ATP1B1: variants seen among roughly 807,000 people sequenced by gnomAD.
ATP1B1 encodes the protein ATPase Na+/K+ transporting subunit beta 1, also known as sodium/potassium-transporting ATPase subunit beta-1.
ATP1B1 carries 3 observed loss-of-function variants against 39.6 expected under a neutral mutation model. The observed-to-expected ratio is 0.08, with a 90% CI of 0.03 to 0.20. The LOEUF is 0.20. ATP1B1 is among the 10% of genes least tolerant of loss of function. ATP1B1 has a pLI of 1.00. For missense variants in ATP1B1, 216 were observed against 371.1 expected (o/e 0.58, Z 3.43); for synonymous variants, 139 against 135.0 (o/e 1.03, Z -0.20).
intron 2 of ATP1B1, among the ~76,000 whole-genome samples, chr1:169,118,958 G>A (rs1411505855): frequency 6.6e-6 from 1 of 152,154 alleles, no homozygotes; most frequent in Admixed American, 6.5e-5. Flanking sequence ...AGGTTGAAAT[G>A]GCTACATTCT....
At chr1:169,117,304 C>G (rs974948652) in intron 2 of ATP1B1, among the ~76,000 whole-genome samples, 2 of 152,160 alleles carry the variant, frequency 1.3e-5, no homozygotes, top group African/African-American at 4.8e-5. Context: ...ACTGCACAGC[C>G]TTATGACTTG....
chr1:169,111,503 A>T lies in ATP1B1; in HGVS notation c.226+5A>T, dbSNP rs1367657246. 6.2e-7 allele frequency: 1 copy of T among 1,612,712 alleles called. No homozygotes were observed. The highest frequency in any genetic ancestry group is 1.1e-5 in the South Asian group (1 of 90,726). On this transcript the variant is annotated splice_donor_5th_base_variant and intron_variant, in intron 2 of 5. Transcript: ENST00000367815. ...AGGACCGAGTGGCCCCGCCAGGTAAAATCCACATGAATAGCTTCATTTCCT... is the reference window on the plus strand; with the variant it reads ...AGGACCGAGTGGCCCCGCCAGGTAATATCCACATGAATAGCTTCATTTCCT...
intron 4 of ATP1B1, 32 bp downstream of exon 4, chr1:169,127,440 T>C: frequency 6.3e-7 from 1 of 1,585,356 alleles, no homozygotes. Context: ...AGAATTTAGA[T>C]GAGTCATTTA....
intron 2 of ATP1B1, among the ~76,000 whole-genome samples, chr1:169,114,148 TTTTTCAATGCCAAGGACCCTCCTTGGC>T (rs1657789099): frequency 4.4e-5 from 5 of 112,768 alleles, no homozygotes; most frequent in Admixed American, 9.1e-5. Context: ...CTCCTTGGCA[TTTTTCAATGCCAAGGACCCTCCTTGGC>T]ATTTTTCAGA....
At chr1:169,111,322 C>G in intron 1 of ATP1B1, 48 bp from the exon 2 acceptor site, 1 of 1,605,050 alleles carries the variant, frequency 6.2e-7, no homozygotes, top group South Asian at 1.1e-5. Flanking sequence ...AACTTTCATT[C>G]TGAGCATATG....
intron 2 of ATP1B1, among the ~76,000 whole-genome samples, chr1:169,115,342 T>G (rs1657819661): frequency 6.8e-6 from 1 of 146,394 alleles, no homozygotes; most frequent in Non-Finnish European, 1.5e-5. Context: ...TCTGTTTTTT[T>G]CTTTTTTTCT....
At chr1:169,124,586 G>T (rs925499858) in intron 2 of ATP1B1, among the ~76,000 whole-genome samples, 1 of 152,178 alleles carries the variant, frequency 6.6e-6, no homozygotes, top group Admixed American at 6.5e-5. Flanking sequence ...TTTCTGTGCA[G>T]CCTTGGCCCA....
In ATP1B1 at chr1:169,131,541, GAAGTT is replaced by G. The variant is rs1462515035; in HGVS notation, c.902_906del (p.Val301GlufsTer11). 6.2e-7 allele frequency: 1 copy of G among 1,613,526 alleles called. No individual in the cohort carries two copies. The highest frequency in any genetic ancestry group is 8.5e-7 in the Non-Finnish European group (1 of 1,179,688). On this transcript the variant is annotated frameshift_variant, in exon 6 of 6. Transcript: ENST00000367815. LOFTEE classifies it high-confidence loss of function. The surrounding 1 kb of genome is among the most constrained non-coding windows in gnomAD (Gnocchi z 4.4). ...TCAGGGACGTTTTGATGTAAAAATT[GAAGTT>G]AAGAGCTGATCACAAGCACAAATCT...
At chr1:169,113,890 C>T (rs1376471594) in intron 2 of ATP1B1, among the ~76,000 whole-genome samples, 1 of 152,180 alleles carries the variant, frequency 6.6e-6, no homozygotes, top group Non-Finnish European at 1.5e-5. Flanking sequence ...TCTTCTTTTC[C>T]TCATCCCTTC....
chr1:169,107,079 G>C (rs1235015707), intron 1 of ATP1B1, among the ~76,000 whole-genome samples, 153 bp downstream of exon 1: 3 of 152,222 alleles, frequency 2.0e-5, no homozygotes, highest in Non-Finnish European at 1.5e-5. Flanking sequence ...GCGCCGGCCT[G>C]GGCTTGCAGT....
intron 4 of ATP1B1, among the ~76,000 whole-genome samples, chr1:169,128,244 T>C (rs1280669218): frequency 6.6e-6 from 1 of 152,236 alleles, no homozygotes; most frequent in African/African-American, 2.4e-5. Flanking sequence ...ATGAGTGTTG[T>C]TTCTAATTTT....
intron 3 of ATP1B1, among the ~76,000 whole-genome samples, 191 bp downstream of exon 3, chr1:169,125,230 G>C (rs1658062180): frequency 6.6e-6 from 1 of 152,108 alleles, no homozygotes; most frequent in Non-Finnish European, 1.5e-5. Flanking sequence ...CCTCAAGTAT[G>C]ACTGTTTTCT....
chr1:169,123,617 C>A (rs1238934104), intron 2 of ATP1B1, among the ~76,000 whole-genome samples: 1 of 149,950 alleles, frequency 6.7e-6, no homozygotes, highest in African/African-American at 2.4e-5. Context: ...ATATCTCTAT[C>A]TATCTATCTA....
intron 2 of ATP1B1, among the ~76,000 whole-genome samples, chr1:169,120,590 G>C (rs1471205882): frequency 6.6e-6 from 1 of 152,222 alleles, no homozygotes; most frequent in African/African-American, 2.4e-5. Flanking sequence ...GTGCTTAGCT[G>C]TCTTATGTTT....
chr1:169,130,779 C>CAA (rs57542049), intron 5 of ATP1B1, among the ~76,000 whole-genome samples: 1,475 of 73,912 alleles, frequency 0.02, 53 homozygotes, highest in Non-Finnish European at 0.03. Context: ...AAGACTATCT[C>CAA]AAAAAAAAAA....
chr1:169,109,066 A>G (rs1657672533), intron 1 of ATP1B1, among the ~76,000 whole-genome samples: 1 of 152,196 alleles, frequency 6.6e-6, no homozygotes, highest in Admixed American at 6.5e-5. Context: ...ACCAAGATGG[A>G]CGCAGGAGAC....
Position 169,108,838 on chromosome 1 carries a change from G to A in ATP1B1, c.97+1912G>A, listed in dbSNP as rs2032045. On this transcript the variant is annotated intron_variant, in intron 1 of 5. Coordinates refer to ENST00000367815, the MANE Select transcript of ATP1B1 (RefSeq NM_001677.4). ...CTTCCCTTCCATGTTCCACGGTACAGGTGCTGGGCTAAAAATCCCCTTTTT... is the reference window on the plus strand; with the variant it reads ...CTTCCCTTCCATGTTCCACGGTACAAGTGCTGGGCTAAAAATCCCCTTTTT... Among the ~76,000 whole-genome samples, 1,337 of 152,318 alleles carry A rather than the reference G, an allele frequency of 8.8e-3. 17 individuals carry two copies. Among genetic ancestry groups the A allele is most frequent in the African/African-American group, 0.03 (1,267 of 41,564 alleles).
At chr1:169,114,269 AT>A (rs1300291259) in intron 2 of ATP1B1, among the ~76,000 whole-genome samples, 2 of 151,174 alleles carry the variant, frequency 1.3e-5, no homozygotes, top group Non-Finnish European at 3.0e-5. Flanking sequence ...TACCCTGACA[AT>A]TTTTTGGCTT....
intron 4 of ATP1B1, among the ~76,000 whole-genome samples, chr1:169,128,286 G>A (rs1658130359): frequency 1.1e-4 from 17 of 152,126 alleles, no homozygotes; most frequent in Admixed American, 1.1e-3. Context: ...ATTGAGTTAT[G>A]TGAACAAACT....
Sources: allele counts gnomAD v4.1 joint callset (sites outside exome capture counted in the v4.1 genomes callset), GRCh38; gene constraint gnomAD v4.1.1; non-coding constraint Gnocchi (gnomAD v3.1); transcripts MANE v1.5; gene names NCBI Gene and HGNC (gene_info 2026-07-23, HGNC 2026-07-21).